NR2E1: variants seen among roughly 807,000 people sequenced by gnomAD.
NR2E1 encodes nuclear receptor TLX.
A neutral mutation model predicts 43.6 loss-of-function variants in NR2E1; 5 were observed. The ratio of observed to expected loss-of-function variants is 0.11; its 90% CI spans 0.06 to 0.24. The LOEUF is 0.24. NR2E1 is among the 10% of genes least tolerant of loss of function. NR2E1 has a pLI of 1.00. For missense variants in NR2E1, 287 were observed against 496.7 expected, an observed-to-expected ratio of 0.58 and a Z score of 4.01; for synonymous variants, 191 against 195.5, an observed-to-expected ratio of 0.98 and a Z score of 0.19.
intron 1 of NR2E1, among the ~76,000 whole-genome samples, chr6:108,167,382 G>C (rs768850830): frequency 2.6e-5 from 4 of 152,190 alleles, no homozygotes; most frequent in African/African-American, 4.8e-5. Context: ...CTAATCCCAA[G>C]GACTTTTCGA....
chr6:108,172,067 A>C (rs1215994087), intron 2 of NR2E1, among the ~76,000 whole-genome samples: 1 of 152,232 alleles, frequency 6.6e-6, no homozygotes, highest in African/African-American at 2.4e-5. Context: ...AGTAAGCGGC[A>C]CACAGACATC....
In NR2E1 at chr6:108,174,850, G is replaced by T. The variant is rs202048960; in HGVS notation, c.186G>T (p.Val62=). 59 of 1,614,086 alleles carry T rather than the reference G, an allele frequency of 3.7e-5. No individual in the cohort carries two copies. In the Admixed American group the frequency reaches 5.8e-4, roughly 16 times the overall value. The stretch of plus-strand genomic sequence containing the variant: ...CTCTGTTCCAGGGAGGCTGTCCGGT[G>T]GACAAGACGCACAGAAACCAGTGCA... ...CKSGNQGGCP[V]DKTHRNQCRA... Residue 62 remains valine, a synonymous_variant, in exon 3 of 9, where the codon GTG becomes GTT. Transcript: ENST00000368986.
chr6:108,175,419 C>A (rs1283146461), intron 3 of NR2E1, among the ~76,000 whole-genome samples: 2 of 152,228 alleles, frequency 1.3e-5, no homozygotes, highest in African/African-American at 4.8e-5. Context: ...CTCCAAGATG[C>A]CAAAATCAGT....
intron 5 of NR2E1, chr6:108,179,376 A>G (rs932786343): frequency 6.6e-6 from 1 of 152,170 alleles, no homozygotes; most frequent in African/African-American, 2.4e-5. Context: ...CTTAGCTCCC[A>G]AAAGAAATCC....
chr6:108,177,572 T>C (rs1490701666), intron 4 of NR2E1, among the ~76,000 whole-genome samples: 1 of 152,252 alleles, frequency 6.6e-6, no homozygotes, highest in Admixed American at 6.5e-5. Flanking sequence ...ATGTGTATAA[T>C]AAGCTCTGGA....
chr6:108,166,905 T>TCG lies in NR2E1; in HGVS notation c.25+116_25+117insGC. 8.9e-7 allele frequency: 1 copy of TCG among 1,129,770 alleles called. No homozygotes were observed. The highest frequency in any genetic ancestry group is 1.3e-6 in the Non-Finnish European group (1 of 777,138). The allele number at this position is 1,129,770 out of a possible 1,614,324, so 70.0% of individuals were successfully genotyped here. A position where few individuals can be genotyped will look rare whatever the true frequency, so the allele number is the denominator to read the frequency against. ...GCGAATCTGAGCCCCTGAGAGGGAT[T>TCG]CCAGCGGGCGTGTGCGTTCGGCCCA... On this transcript the variant is annotated intron_variant, in intron 1 of 8. Transcript: ENST00000368986. This position sits in a 1 kb window ranked among gnomAD's most constrained non-coding sequence, Gnocchi z 7.2.
chr6:108,168,082 G>T (rs1773741088), intron 1 of NR2E1: 2 of 1,603,892 alleles, frequency 1.2e-6, no homozygotes, highest in South Asian at 2.2e-5. Flanking sequence ...CGGCCGGAAT[G>T]CAGAGCGGAC....
intron 8 of NR2E1, among the ~76,000 whole-genome samples, chr6:108,185,897 C>T (rs1432948988): frequency 6.6e-6 from 1 of 152,142 alleles, no homozygotes; most frequent in East Asian, 1.9e-4. Context: ...GATTATTTCT[C>T]ACAGTGGTTT....
intron 8 of NR2E1, among the ~76,000 whole-genome samples, chr6:108,183,415 GA>G (rs1449249070): frequency 6.6e-6 from 1 of 151,940 alleles, no homozygotes; most frequent in Non-Finnish European, 1.5e-5. Flanking sequence ...CTTTTAAAGA[GA>G]AATGGAAACT....
At chr6:108,171,162 C>G (rs1582442049) in intron 1 of NR2E1, among the ~76,000 whole-genome samples, 1 of 152,152 alleles carries the variant, frequency 6.6e-6, no homozygotes, top group Non-Finnish European at 1.5e-5. Context: ...GCCGCACTGC[C>G]GCCCGGGCCT....
intron 1 of NR2E1, among the ~76,000 whole-genome samples, chr6:108,171,180 T>C (rs924090473): frequency 1.3e-5 from 2 of 152,202 alleles, no homozygotes; most frequent in Non-Finnish European, 2.9e-5. Flanking sequence ...CCTGCTGTCA[T>C]CTTTTATTCC....
intron 1 of NR2E1, chr6:108,167,920 T>C: frequency 7.9e-7 from 1 of 1,264,818 alleles, no homozygotes; most frequent in South Asian, 1.5e-5. Context: ...ATTCCCGCCC[T>C]CCTACCCCCC....
chr6:108,171,704 G>T lies in NR2E1; in HGVS notation c.171+101G>T, dbSNP rs886326262. The stretch of plus-strand genomic sequence containing the variant: ...CTGAGTTTCCACGCAGTTGAGGAGA[G>T]ACCCGGCCCTGACCTCTCCCTTCCT... On this transcript the variant is annotated intron_variant, in intron 2 of 8. Transcript: ENST00000368986. The T allele has an allele frequency of 1.4e-5, 21 of 1,481,542 alleles. No individual in the cohort carries two copies. In the African/African-American group the frequency reaches 2.9e-4, roughly 20 times the overall value. The allele number at this position is 1,481,542 out of a possible 1,614,324, so 91.8% of individuals were successfully genotyped here. A position where few individuals can be genotyped will look rare whatever the true frequency, so the allele number is the denominator to read the frequency against.
Position 108,180,463 on chromosome 6 carries a change from T to TA in NR2E1, c.739+49dup. The TA allele has an allele frequency of 3.9e-6, 5 of 1,272,870 alleles. No homozygotes were observed. The highest frequency in any genetic ancestry group is 5.8e-6 in the Non-Finnish European group (5 of 868,714). The allele number at this position is 1,272,870 out of a possible 1,614,324, so 78.8% of individuals were successfully genotyped here. A position where few individuals can be genotyped will look rare whatever the true frequency, so the allele number is the denominator to read the frequency against. ...AATGACTTTGTTGTAGAAATTACCATAAAAATACATTACTGAAAAAAGAAC... is the reference window on the plus strand; with the variant it reads ...AATGACTTTGTTGTAGAAATTACCATAAAAAATACATTACTGAAAAAAGAAC... On this transcript the variant is annotated intron_variant, in intron 6 of 8. Coordinates refer to ENST00000368986, the MANE Select transcript of NR2E1 (RefSeq NM_003269.5). This position sits in a 1 kb window ranked among gnomAD's most constrained non-coding sequence, Gnocchi z 5.4.
intron 3 of NR2E1, 38 bp downstream of exon 3, chr6:108,174,961 T>C (rs1304139818): frequency 1.9e-6 from 3 of 1,571,338 alleles, no homozygotes; most frequent in East Asian, 2.2e-5. Context: ...GTTGATTGAG[T>C]AGTAAGTAAA....
chr6:108,186,568 C>A (rs2114684562), intron 8 of NR2E1, among the ~76,000 whole-genome samples: 1 of 152,262 alleles, frequency 6.6e-6, no homozygotes, highest in East Asian at 1.9e-4. Flanking sequence ...ATATCTAATT[C>A]TAACTATTGG....
rs757108209 is a variant in NR2E1 at position 108,178,150 on chromosome 6, C to T, written c.551C>T (p.Ser184Leu). ...TATCTCTATGAAGTGGCCACGGAGTCGGTGTGTGAATCAGCTGCCAGACTT... is the reference window on the plus strand; with the variant it reads ...TATCTCTATGAAGTGGCCACGGAGTTGGTGTGTGAATCAGCTGCCAGACTT... ...PMYLYEVATE[S>L]VCESAARLLF... Residue 184 changes from serine to leucine, a missense_variant, in exon 5 of 9, where the codon TCG (serine) becomes TTG (leucine). Coordinates refer to ENST00000368986, the MANE Select transcript of NR2E1 (RefSeq NM_003269.5). The T allele has an allele frequency of 8.1e-6, 13 of 1,614,056 alleles. No homozygotes were observed. Among genetic ancestry groups the T allele is most frequent in the South Asian group, 2.2e-5 (2 of 91,084 alleles).
Position 108,166,161 on chromosome 6 carries a change from C to G in NR2E1, c.-605C>G, listed in dbSNP as rs908717221. On this transcript the variant is annotated 5_prime_UTR_variant, in exon 1 of 9. Transcript: ENST00000368986. The surrounding 1 kb of genome is among the most constrained non-coding windows in gnomAD (Gnocchi z 7.2). ...TGCGTGCGCGGCTCTCCCCGGAAAC[C>G]CGGACCTGGCCGCCTCTTCCCTCGG... 4 of 152,760 alleles carry G rather than the reference C, an allele frequency of 2.6e-5. No homozygotes were observed. The highest frequency in any genetic ancestry group is 4.4e-5 in the Non-Finnish European group (3 of 68,116). 9.5% of individuals were successfully genotyped at this position (152,760 alleles called of 1,614,324 possible).
chr6:108,176,861 G>A (rs1321353803), intron 4 of NR2E1, 123 bp downstream of exon 4: 13 of 934,278 alleles, frequency 1.4e-5, no homozygotes, highest in Non-Finnish European at 2.1e-5. Context: ...GGTGCTTGGC[G>A]GGTCTCTGCA....
Sources: allele counts gnomAD v4.1 joint callset (sites outside exome capture counted in the v4.1 genomes callset), GRCh38; gene constraint gnomAD v4.1.1; non-coding constraint Gnocchi (gnomAD v3.1); transcripts MANE v1.5; gene names NCBI Gene and HGNC (gene_info 2026-07-23, HGNC 2026-07-21).